The following NCKAP1 variants were observed in gnomAD, a reference collection of about 807,000 sequenced individuals.
The protein encoded by NCKAP1 is NCK associated protein 1.
A neutral mutation model predicts 151.2 loss-of-function variants in NCKAP1; 21 were observed. The ratio of observed to expected loss-of-function variants is 0.14; its 90% CI spans 0.10 to 0.20. The LOEUF is 0.20. Among genes scored for constraint, NCKAP1 ranks in the 10% least tolerant of loss-of-function variants. The probability of loss-of-function intolerance (pLI) is 1.00; values close to 1 mark genes in which losing one functional copy is unlikely to be tolerated. For missense variants in NCKAP1, 933 were observed against 1,352.1 expected (o/e 0.69, Z 4.86); for synonymous variants, 484 against 451.8 (o/e 1.07, Z -0.90).
intron 24 of NCKAP1, among the ~76,000 whole-genome samples, chr2:182,939,385 C>T (rs554312979): frequency 3.3e-5 from 5 of 151,870 alleles, no homozygotes; most frequent in Admixed American, 6.6e-5. Flanking sequence ...AAAAATTAGC[C>T]GAGTGTGGTA....
intron 2 of NCKAP1, among the ~76,000 whole-genome samples, chr2:183,013,235 T>C (rs1395132925): frequency 6.6e-6 from 1 of 152,118 alleles, no homozygotes; most frequent in Non-Finnish European, 1.5e-5. Flanking sequence ...TCTACATTCA[T>C]ATAAACAATT....
chr2:183,025,130 T>A, intron 1 of NCKAP1: 2 of 793,300 alleles, frequency 2.5e-6, no homozygotes, highest in South Asian at 3.7e-5. Flanking sequence ...TATATGGTGC[T>A]ACAATTTTAA....
chr2:182,973,650 A>G (rs991719740), intron 15 of NCKAP1, among the ~76,000 whole-genome samples: 1 of 152,178 alleles, frequency 6.6e-6, no homozygotes, highest in Non-Finnish European at 1.5e-5. Flanking sequence ...CTGGCTATCT[A>G]TAGAACTCTT....
At chr2:182,986,093 C>G (rs1698050880) in intron 10 of NCKAP1, 78 bp downstream of exon 10, 5 of 1,315,216 alleles carry the variant, frequency 3.8e-6, no homozygotes, top group Admixed American at 1.8e-5. Flanking sequence ...TACTATTAAT[C>G]TGTACTCACT....
intron 27 of NCKAP1, 111 bp from the exon 28 acceptor site, chr2:182,929,010 T>G (rs918302751): frequency 1.5e-6 from 1 of 679,004 alleles, no homozygotes; most frequent in Non-Finnish European, 2.4e-6. Flanking sequence ...CTTTTTTTTT[T>G]GAAATAGTAA....
Position 182,956,552 on chromosome 2 carries a change from G to C in NCKAP1, c.2063C>G (p.Ser688Cys), listed in dbSNP as rs1227950292. ...LHTALSELCF[S>C]INYVPNMVVW... ...CACCATGTTTGGTACATAATTTATA[G>C]AGAAGCATAACTCAGAAAGTGCAGT... The change falls in exon 20 of 31, where the codon TCT (serine) becomes TGT (cysteine). Residue 688 changes from serine to cysteine, a missense_variant. By Grantham distance (112) the Ser-to-Cys change is moderately radical (BLOSUM62 -1). This residue lies in a region of NCKAP1 where 326 missense variants were observed against 557.1 expected (regional missense o/e 0.59). Transcript: ENST00000361354. 7 of 1,609,960 alleles carry C rather than the reference G, an allele frequency of 4.3e-6. No individual in the cohort carries two copies. Among genetic ancestry groups the C allele is most frequent in the South Asian group, 1.1e-5 (1 of 89,896 alleles).
chr2:182,932,346 G>GCT (rs1178937910), intron 26 of NCKAP1, among the ~76,000 whole-genome samples: 1 of 152,088 alleles, frequency 6.6e-6, no homozygotes, highest in East Asian at 1.9e-4. Context: ...AATATGCCAA[G>GCT]TGAAAGAAGC....
At chr2:182,982,088 T>C (rs1289505691) in intron 12 of NCKAP1, among the ~76,000 whole-genome samples, 2 of 152,060 alleles carry the variant, frequency 1.3e-5, no homozygotes, top group African/African-American at 4.8e-5. Context: ...ATAAGACACA[T>C]TTTAATGACA....
At chr2:182,943,843 A>G (rs899735539) in intron 23 of NCKAP1, among the ~76,000 whole-genome samples, 5 of 152,206 alleles carry the variant, frequency 3.3e-5, no homozygotes, top group African/African-American at 1.2e-4. Context: ...GAAGTTGGAT[A>G]ACTTGCCCAA....
intron 10 of NCKAP1, among the ~76,000 whole-genome samples, chr2:182,985,800 C>CA (rs79099011): frequency 0.06 from 4,163 of 69,354 alleles, 91 homozygotes; most frequent in Non-Finnish European, 0.071. Flanking sequence ...GAGACTGTCT[C>CA]AAAAAAAAAA....
At chr2:182,968,739 G>C (rs1697626140) in intron 15 of NCKAP1, among the ~76,000 whole-genome samples, 1 of 152,178 alleles carries the variant, frequency 6.6e-6, no homozygotes, top group African/African-American at 2.4e-5. Context: ...TGCAGTGAAT[G>C]AAGTCTTTTG....
At chr2:182,990,666 A>G (rs1698149353) in intron 8 of NCKAP1, among the ~76,000 whole-genome samples, 1 of 152,178 alleles carries the variant, frequency 6.6e-6, no homozygotes, top group African/African-American at 2.4e-5. Flanking sequence ...GGCCAGTTAG[A>G]AACCAATCCC....
intron 15 of NCKAP1, 134 bp downstream of exon 15, chr2:182,976,759 G>A: frequency 2.3e-6 from 1 of 436,534 alleles, no homozygotes; most frequent in Non-Finnish European, 3.9e-6. Context: ...AGTACAAAAT[G>A]TTTCTTTTAT....
At chr2:182,937,393 T>TC (rs1485116181) in intron 24 of NCKAP1, among the ~76,000 whole-genome samples, 3 of 152,106 alleles carry the variant, frequency 2.0e-5, no homozygotes, top group Non-Finnish European at 2.9e-5. Context: ...CCACATAACA[T>TC]CCACTAACTT....
chr2:182,913,177 A>C lies in NCKAP1; in HGVS notation c.*12525T>G, dbSNP rs1478499395. The stretch of plus-strand genomic sequence containing the variant: ...TAAGCTCTGTGACATCAAGGACCAA[A>C]TCTGGTTCATGTACATGCCAAGCAT... On this transcript the variant is annotated 3_prime_UTR_variant, in exon 31 of 31. Transcript: ENST00000361354. The C allele has an allele frequency of 1.3e-5, 2 of 152,198 alleles. No homozygotes were observed. Among genetic ancestry groups the C allele is most frequent in the Non-Finnish European group, 2.9e-5 (2 of 68,030 alleles). The allele number at this position is 152,198 out of a possible 1,614,324, so 9.4% of individuals were successfully genotyped here. A position where few individuals can be genotyped will look rare whatever the true frequency, so the allele number is the denominator to read the frequency against.
intron 2 of NCKAP1, among the ~76,000 whole-genome samples, chr2:183,013,086 C>T (rs1162675265): frequency 6.6e-6 from 1 of 152,118 alleles, no homozygotes; most frequent in Non-Finnish European, 1.5e-5. Context: ...TTGACCACAA[C>T]TGAGTAGCAA....
intron 8 of NCKAP1, among the ~76,000 whole-genome samples, chr2:182,992,275 T>C (rs1188223628): frequency 6.6e-6 from 1 of 152,220 alleles, no homozygotes; most frequent in Admixed American, 6.5e-5. Flanking sequence ...CCAGATTAGC[T>C]CTACTCAGGG....
At chr2:182,947,785 TAG>T (rs770008304) in intron 23 of NCKAP1, among the ~76,000 whole-genome samples, 24 of 152,320 alleles carry the variant, frequency 1.6e-4, no homozygotes, top group Admixed American at 6.5e-4. Context: ...GAATAACTTT[TAG>T]AGATTTATTT....
rs1182623924 is a variant in NCKAP1 at position 182,923,458 on chromosome 2, T to TA, written c.*2243_*2244insT. The TA allele has an allele frequency of 1.3e-5, 2 of 152,100 alleles. No homozygotes were observed. The highest frequency in any genetic ancestry group is 3.9e-4 in the East Asian group (2 of 5,180). 9.4% of individuals were successfully genotyped at this position (152,100 alleles called of 1,614,324 possible). A position where few individuals can be genotyped will look rare whatever the true frequency, so the allele number is the denominator to read the frequency against. Reference sequence around the variant, plus strand: ...TGGGTAATTTTTGTATTTTTAGTAGTGTCAGGGTTTTGCCATGTTGGCCAG... The same window carrying TA: ...TGGGTAATTTTTGTATTTTTAGTAGTAGTCAGGGTTTTGCCATGTTGGCCAG... On this transcript the variant is annotated 3_prime_UTR_variant, in exon 31 of 31. Coordinates refer to ENST00000361354, the MANE Select transcript of NCKAP1 (RefSeq NM_013436.5).
Sources: gnomAD v4.1 joint callset for allele counts (sites outside exome capture counted in the v4.1 genomes callset) on GRCh38, gnomAD v4.1.1 for gene constraint, gnomAD v4.1.1 regional missense constraint, MANE v1.5 for transcripts, NCBI Gene and HGNC (gene_info 2026-07-23, HGNC 2026-07-21) for gene names.